Variants in MTHFD1 observed in about 807,000 individuals in gnomAD.
MTHFD1 encodes C-1-tetrahydrofolate synthase, cytoplasmic.
In MTHFD1, 44 loss-of-function variants were observed where a neutral mutation model predicts 110.3. The observed-to-expected ratio is 0.40, with a 90% confidence interval of 0.31 to 0.51. The LOEUF is 0.51. Among genes scored for constraint, MTHFD1 ranks in the 20% least tolerant of loss-of-function variants. The pLI is 0.60. For synonymous variants in MTHFD1, 402 were observed against 428.8 expected (o/e 0.94, Z 0.77); for missense variants, 909 against 1,173.1 (o/e 0.77, Z 3.29).
chr14:64,415,621 T>G lies in MTHFD1; in HGVS notation c.378-18T>G. ...CTAATTGCCTTTATTTCCTTCTTAT[T>G]TCCATCACTTTTTTAAGATTGACTA... On this transcript the variant is annotated intron_variant, in intron 5 of 27. Transcript: ENST00000652337. 2 of 1,613,128 alleles carry G rather than the reference T, an allele frequency of 1.2e-6. No individual in the cohort carries two copies. Among genetic ancestry groups the G allele is most frequent in the Non-Finnish European group, 1.7e-6 (2 of 1,179,066 alleles).
At chr14:64,425,419 TAGG>T (rs2078111121) in intron 9 of MTHFD1, among the ~76,000 whole-genome samples, 1 of 152,018 alleles carries the variant, frequency 6.6e-6, no homozygotes, top group African/African-American at 2.4e-5. Flanking sequence ...CCACGTTGGT[TAGG>T]CTGGTCTGGA....
intron 4 of MTHFD1, 43 bp from the exon 5 acceptor site, chr14:64,415,315 G>A: frequency 1.9e-6 from 3 of 1,567,902 alleles, no homozygotes. Flanking sequence ...CCTACCTTTT[G>A]ATTTCTGTGT....
At position 64,410,855 on chromosome 14, in the gene MTHFD1, G is replaced by T. The variant is rs1275992107; in HGVS notation, c.127-235G>T. ...CAGATGCAGATATCCTCTACTTTCT[G>T]TTTGGGGTTTGGCAGTGGGAACCAG... On this transcript the variant is annotated intron_variant, in intron 2 of 27. Transcript: ENST00000652337. Among the ~76,000 whole-genome samples, 4 of 152,234 alleles carry T rather than the reference G, an allele frequency of 2.6e-5. No individual in the cohort carries two copies. In the South Asian group the frequency reaches 6.2e-4, roughly 24 times the overall value.
At chr14:64,449,698 T>C (rs2078339696) in intron 24 of MTHFD1, 76 bp downstream of exon 24, 2 of 1,512,698 alleles carry the variant, frequency 1.3e-6, no homozygotes, top group Non-Finnish European at 1.8e-6. Flanking sequence ...GCTACTTCTA[T>C]TAGAGCCCCA....
intron 24 of MTHFD1, among the ~76,000 whole-genome samples, chr14:64,452,078 C>T (rs1212066635): frequency 1.3e-5 from 2 of 152,112 alleles, no homozygotes; most frequent in Admixed American, 1.3e-4. Context: ...GGTGGATCAC[C>T]TAAGGTCAGG....
At chr14:64,458,023 TG>T in intron 26 of MTHFD1, 190 bp from the exon 27 acceptor site, 1 of 623,058 alleles carries the variant, frequency 1.6e-6, no homozygotes, top group Non-Finnish European at 2.9e-6. Flanking sequence ...CCCAAGTAGC[TG>T]GAACTACAGG....
chr14:64,388,731 G>A lies in MTHFD1; in HGVS notation c.41+263G>A, dbSNP rs746221635. 3.5e-4 allele frequency: 207 copies of A among 584,046 alleles called. 1 individual carries two copies. Among genetic ancestry groups the A allele is most frequent in the Middle Eastern group, 1.8e-3 (4 of 2,198 alleles). The allele number at this position is 584,046 out of a possible 1,614,324, so 36.2% of individuals were successfully genotyped here. A position where few individuals can be genotyped will look rare whatever the true frequency, so the allele number is the denominator to read the frequency against. On this transcript the variant is annotated intron_variant, in intron 1 of 27. Transcript: ENST00000652337. ...TATGCTCCCAAACGCGCAGCTGCTG[G>A]TGACTTTCTGCCGGGAGAGTGGGTA...
At chr14:64,444,883 T>C (rs2078278472) in intron 22 of MTHFD1, 149 bp downstream of exon 22, 3 of 785,872 alleles carry the variant, frequency 3.8e-6, no homozygotes, top group East Asian at 2.6e-5. Flanking sequence ...TGAGGAGTTA[T>C]ATTAAATGAG....
chr14:64,415,232 T>C, intron 4 of MTHFD1, 126 bp from the exon 5 acceptor site: 1 of 776,804 alleles, frequency 1.3e-6, no homozygotes, highest in Non-Finnish European at 2.2e-6. Flanking sequence ...GGAAGGTACA[T>C]TCTGAAAGGA....
chr14:64,435,497 CA>C, intron 15 of MTHFD1, 71 bp from the exon 16 acceptor site: 1 of 1,010,200 alleles, frequency 9.9e-7, no homozygotes, highest in Non-Finnish European at 1.6e-6. Flanking sequence ...AGGTAGGGGT[CA>C]AAATTTTTGT....
At chr14:64,429,616 G>A (rs1048538261) in intron 12 of MTHFD1, among the ~76,000 whole-genome samples, 3 of 151,986 alleles carry the variant, frequency 2.0e-5, no homozygotes, top group African/African-American at 7.3e-5. Context: ...TTTAAATCCT[G>A]GATTTGGGAT....
chr14:64,427,049 CT>C (rs1357940323), intron 11 of MTHFD1, among the ~76,000 whole-genome samples: 5 of 151,534 alleles, frequency 3.3e-5, no homozygotes, highest in African/African-American at 1.2e-4. Context: ...TTTTCTTTGT[CT>C]TTTCTTTCTT....
At chr14:64,452,549 C>G (rs968116396) in intron 24 of MTHFD1, among the ~76,000 whole-genome samples, 1 of 152,190 alleles carries the variant, frequency 6.6e-6, no homozygotes, top group African/African-American at 2.4e-5. Flanking sequence ...GGGACTGAGG[C>G]CCTCACCAGT....
intron 23 of MTHFD1, among the ~76,000 whole-genome samples, chr14:64,448,893 G>A (rs1340152697): frequency 1.3e-5 from 2 of 151,504 alleles, no homozygotes; most frequent in South Asian, 2.1e-4. Context: ...TCTGCCTCCC[G>A]GGTTCATGCC....
chr14:64,396,469 G>T (rs1420647620), intron 1 of MTHFD1, among the ~76,000 whole-genome samples: 2 of 142,436 alleles, frequency 1.4e-5, no homozygotes, highest in African/African-American at 5.2e-5. Context: ...TCGGCTCACC[G>T]CAACCTCTGC....
intron 1 of MTHFD1, among the ~76,000 whole-genome samples, chr14:64,390,142 G>A (rs1410774746): frequency 2.0e-5 from 3 of 152,114 alleles, no homozygotes; most frequent in Non-Finnish European, 4.4e-5. Flanking sequence ...CTGTGCCAAA[G>A]TTTCCTCAAA....
chr14:64,444,689 C>T lies in MTHFD1; in HGVS notation c.2137-4C>T. 2 of 1,614,076 alleles carry T rather than the reference C, an allele frequency of 1.2e-6. No individual in the cohort carries two copies. Among genetic ancestry groups the T allele is most frequent in the Non-Finnish European group, 1.7e-6 (2 of 1,179,972 alleles). On this transcript the variant is annotated splice_region_variant and splice_polypyrimidine_tract_variant and intron_variant, in intron 21 of 27. Transcript: ENST00000652337. The stretch of plus-strand genomic sequence containing the variant: ...GCCTCTGACTCTGTTTCTTTTCCTT[C>T]CAGGTCACTGCTGGACTGCCTCTTC...
At chr14:64,418,717 T>G (rs1354834929) in intron 7 of MTHFD1, among the ~76,000 whole-genome samples, 3 of 151,928 alleles carry the variant, frequency 2.0e-5, no homozygotes, top group Admixed American at 6.6e-5. Context: ...CCACCACGCC[T>G]GGCTAATTTT....
intron 19 of MTHFD1, 167 bp downstream of exon 19, chr14:64,441,620 C>T (rs567625900): frequency 1.1e-4 from 69 of 654,978 alleles, no homozygotes; most frequent in South Asian, 6.4e-4. Context: ...TCCTGGCTAA[C>T]ATGGTGAAAC....
Sources: allele counts gnomAD v4.1 joint callset (sites outside exome capture counted in the v4.1 genomes callset), GRCh38; gene constraint gnomAD v4.1.1; transcripts MANE v1.5; gene names NCBI Gene and HGNC (gene_info 2026-07-23, HGNC 2026-07-21).